Variants in NALF1 observed in about 807,000 individuals in gnomAD.
The protein encoded by NALF1 is family with sequence similarity 155 member A.
A neutral mutation model predicts 48.4 loss-of-function variants in NALF1; 3 were observed. The observed-to-expected ratio is 0.06, with a 90% confidence interval of 0.03 to 0.16. The LOEUF (loss-of-function observed/expected upper bound fraction) is 0.16. Among genes scored for constraint, NALF1 ranks in the 10% least tolerant of loss-of-function variants. NALF1 has a pLI of 1.00. For missense variants in NALF1, 526 were observed against 571.5 expected (o/e 0.92, Z 0.81); for synonymous variants, 262 against 245.7 (o/e 1.07, Z -0.62).
At position 107,362,334 on chromosome 13, in the gene NALF1, C is replaced by T. The variant is rs564749321; in HGVS notation, c.916-151579G>A. Among the ~76,000 whole-genome samples, 1 of 152,220 alleles carries T rather than the reference C, an allele frequency of 6.6e-6. No individual in the cohort carries two copies. Among genetic ancestry groups the T allele is most frequent in the African/African-American group, 2.4e-5 (1 of 41,552 alleles). On this transcript the variant is annotated intron_variant, in intron 1 of 2. Transcript: ENST00000375915. The surrounding 1 kb of genome is among the most constrained non-coding windows in gnomAD (Gnocchi z 4.6). The stretch of plus-strand genomic sequence containing the variant: ...GCTGAAAACAAGAGAAATGCATTGT[C>T]CAACAGTGCTGGAGGAGAACAGTCT...
intron 1 of NALF1, among the ~76,000 whole-genome samples, chr13:107,647,463 G>GA (rs552279359): frequency 0.022 from 2,832 of 130,068 alleles, 34 homozygotes; most frequent in African/African-American, 0.05. Flanking sequence ...ATGTTTTATC[G>GA]AAAAAAAAAA....
At chr13:107,752,709 G>A (rs529452530) in intron 1 of NALF1, among the ~76,000 whole-genome samples, 7 of 152,222 alleles carry the variant, frequency 4.6e-5, no homozygotes, top group Admixed American at 3.9e-4. Flanking sequence ...AGAGACTACA[G>A]ACTCTTAATA....
intron 1 of NALF1, among the ~76,000 whole-genome samples, chr13:107,781,656 A>C (rs1877891723): frequency 6.6e-6 from 1 of 151,692 alleles, no homozygotes; most frequent in Admixed American, 6.6e-5. Flanking sequence ...AGCTTACTAG[A>C]TCACATTAGA....
intron 1 of NALF1, among the ~76,000 whole-genome samples, chr13:107,229,682 T>C (rs1880179536): frequency 6.6e-6 from 1 of 152,122 alleles, no homozygotes; most frequent in Admixed American, 6.5e-5. Flanking sequence ...GTTAAATCAA[T>C]TCCCCTCTCT....
chr13:107,197,100 G>A (rs2138790046), intron 2 of NALF1, among the ~76,000 whole-genome samples: 1 of 152,266 alleles, frequency 6.6e-6, no homozygotes, highest in South Asian at 2.1e-4. Context: ...GCCTGAGCTG[G>A]CAGGTATGCT....
At chr13:107,417,099 T>C (rs1236572721) in intron 1 of NALF1, among the ~76,000 whole-genome samples, 2 of 152,220 alleles carry the variant, frequency 1.3e-5, no homozygotes, top group African/African-American at 2.4e-5. Context: ...CAGTTTCTTA[T>C]GTGGATCTGG....
At chr13:107,830,486 G>C (rs1045752440) in intron 1 of NALF1, among the ~76,000 whole-genome samples, 3 of 152,184 alleles carry the variant, frequency 2.0e-5, no homozygotes, top group South Asian at 2.1e-4. Context: ...CTAATGGCTG[G>C]AAAATGGTAA....
intron 1 of NALF1, among the ~76,000 whole-genome samples, chr13:107,310,051 A>C (rs757437375): frequency 9.2e-5 from 14 of 152,094 alleles, no homozygotes; most frequent in Non-Finnish European, 4.4e-5. Context: ...ATGTTGGGTT[A>C]GGTTTTATTT....
chr13:107,783,004 CGGGA>C (rs1277507198), intron 1 of NALF1, among the ~76,000 whole-genome samples: 2 of 144,448 alleles, frequency 1.4e-5, no homozygotes, highest in African/African-American at 5.2e-5. Context: ...CCGCCCCGTC[CGGGA>C]GGGAGGTGGG....
chr13:107,421,695 C>T (rs1884191679), intron 1 of NALF1, among the ~76,000 whole-genome samples: 1 of 152,140 alleles, frequency 6.6e-6, no homozygotes, highest in African/African-American at 2.4e-5. Context: ...ACAAATGCAG[C>T]AAAATGAGGT....
intron 1 of NALF1, among the ~76,000 whole-genome samples, chr13:107,370,633 T>G (rs1255326166): frequency 1.0e-5 from 1 of 99,498 alleles, no homozygotes. Flanking sequence ...CATGCTGAGC[T>G]GCTTCTTTAA....
intron 1 of NALF1, among the ~76,000 whole-genome samples, chr13:107,543,748 T>C (rs1877059650): frequency 6.6e-6 from 1 of 152,046 alleles, no homozygotes; most frequent in African/African-American, 2.4e-5. Context: ...CACACATTTA[T>C]ACATGTATAT....
intron 1 of NALF1, among the ~76,000 whole-genome samples, chr13:107,426,075 C>T (rs1468602208): frequency 6.6e-6 from 1 of 152,168 alleles, no homozygotes; most frequent in Non-Finnish European, 1.5e-5. Flanking sequence ...TTTGTGGCCT[C>T]CTCTTGCTCC....
At chr13:107,369,102 G>C (rs1006051064) in intron 1 of NALF1, among the ~76,000 whole-genome samples, 1 of 152,166 alleles carries the variant, frequency 6.6e-6, no homozygotes, top group African/African-American at 2.4e-5. Flanking sequence ...CAAGAAAGTA[G>C]AGCACTTTTC....
intron 1 of NALF1, among the ~76,000 whole-genome samples, chr13:107,756,859 A>G (rs1877115050): frequency 6.6e-6 from 1 of 152,182 alleles, no homozygotes; most frequent in Non-Finnish European, 1.5e-5. Context: ...CTCACATAGA[A>G]AAGTTTAAGG....
chr13:107,729,741 A>G lies in NALF1; in HGVS notation c.915+135941T>C, dbSNP rs570362074. The stretch of plus-strand genomic sequence containing the variant: ...TAATCCACCTGCCTCAGCCTCCCAA[A>G]GTGTTGGGATTACAGGCATGAGCCA... On this transcript the variant is annotated intron_variant, in intron 1 of 2. Transcript: ENST00000375915. Among the ~76,000 whole-genome samples, 647 of 152,254 alleles carry G rather than the reference A, an allele frequency of 4.2e-3. 4 individuals are homozygous for G. Among genetic ancestry groups the G allele is most frequent in the Non-Finnish European group, 6.7e-3 (454 of 68,022 alleles).
At chr13:107,781,347 T>C (rs1010931757) in intron 1 of NALF1, among the ~76,000 whole-genome samples, 2 of 152,168 alleles carry the variant, frequency 1.3e-5, no homozygotes, top group Admixed American at 1.3e-4. Flanking sequence ...ACATAAACCT[T>C]AAGAGATTTA....
chr13:107,228,533 C>A (rs527288106), intron 1 of NALF1, among the ~76,000 whole-genome samples: 3 of 152,290 alleles, frequency 2.0e-5, no homozygotes, highest in African/African-American at 7.2e-5. Context: ...GTATCTCAAA[C>A]ATATGCCAAG....
At chr13:107,400,668 C>A (rs1566326306) in intron 1 of NALF1, among the ~76,000 whole-genome samples, 1 of 152,022 alleles carries the variant, frequency 6.6e-6, no homozygotes, top group South Asian at 2.1e-4. Context: ...CGTGCCACTG[C>A]ACTCCAGCCT....
Sources: allele counts gnomAD v4.1 joint callset (sites outside exome capture counted in the v4.1 genomes callset), GRCh38; gene constraint gnomAD v4.1.1; non-coding constraint Gnocchi (gnomAD v3.1); transcripts MANE v1.5; gene names NCBI Gene and HGNC (gene_info 2026-07-23, HGNC 2026-07-21).